GMDS: variants seen among roughly 807,000 people sequenced by gnomAD.
The protein encoded by GMDS is GDP-mannose 4,6 dehydratase.
Under a neutral mutation model 49.9 loss-of-function variants are expected in GMDS, and 20 were observed. The observed-to-expected ratio is 0.40, with a 90% CI of 0.28 to 0.58. GMDS has a LOEUF of 0.58. GMDS is among the 20% of genes least tolerant of loss of function. GMDS has a pLI of 0.42. For synonymous variants in GMDS, 177 were observed against 178.6 expected (o/e 0.99, Z 0.07); for missense variants, 362 against 481.4 (o/e 0.75, Z 2.32).
At chr6:1,959,116 T>C (rs529951193) in intron 6 of GMDS, among the ~76,000 whole-genome samples, 2 of 152,316 alleles carry the variant, frequency 1.3e-5, no homozygotes, top group African/African-American at 4.8e-5. Context: ...GGAGATTTCT[T>C]AAAGAATATA....
chr6:1,745,366 G>A (rs564297453), intron 7 of GMDS, among the ~76,000 whole-genome samples: 10 of 124,484 alleles, frequency 8.0e-5, no homozygotes, highest in Non-Finnish European at 1.2e-4. Context: ...CTACTGGTGG[G>A]TCACTTGGAG....
intron 7 of GMDS, among the ~76,000 whole-genome samples, chr6:1,904,688 T>A (rs1760669153): frequency 6.6e-6 from 1 of 152,162 alleles, no homozygotes; most frequent in African/African-American, 2.4e-5. Flanking sequence ...TACCTTCCTG[T>A]TGGCCAAGTT....
At chr6:1,651,101 C>T (rs1763640486) in intron 9 of GMDS, among the ~76,000 whole-genome samples, 1 of 152,190 alleles carries the variant, frequency 6.6e-6, no homozygotes, top group African/African-American at 2.4e-5. Flanking sequence ...TGAGTGGGTG[C>T]ACCTGCCCTG....
chr6:1,901,322 TAAC>T (rs1298531824), intron 7 of GMDS, among the ~76,000 whole-genome samples: 3 of 152,224 alleles, frequency 2.0e-5, no homozygotes, highest in African/African-American at 4.8e-5. Flanking sequence ...TTCTGAATTT[TAAC>T]AACGTGTTAC....
At chr6:2,048,731 G>T (rs997087500) in intron 4 of GMDS, among the ~76,000 whole-genome samples, 1 of 151,984 alleles carries the variant, frequency 6.6e-6, no homozygotes, top group Non-Finnish European at 1.5e-5. Context: ...TTGTGATCTT[G>T]CATATTTTTT....
At chr6:2,028,185 G>A (rs1354936081) in intron 4 of GMDS, among the ~76,000 whole-genome samples, 1 of 152,086 alleles carries the variant, frequency 6.6e-6, no homozygotes. Flanking sequence ...CACAAACAGC[G>A]CCTCATTCCA....
intron 7 of GMDS, among the ~76,000 whole-genome samples, chr6:1,840,133 T>C (rs890737774): frequency 1.3e-5 from 2 of 152,136 alleles, no homozygotes; most frequent in Admixed American, 6.5e-5. Flanking sequence ...AATGTCACAG[T>C]TCTTGAAATG....
intron 4 of GMDS, among the ~76,000 whole-genome samples, chr6:1,998,380 G>A (rs1442243136): frequency 6.6e-6 from 1 of 151,794 alleles, no homozygotes; most frequent in Non-Finnish European, 1.5e-5. Flanking sequence ...TCCCTAGTAA[G>A]AAATAAGGAA....
chr6:2,100,645 G>A (rs754578430), intron 4 of GMDS, among the ~76,000 whole-genome samples: 1 of 151,912 alleles, frequency 6.6e-6, no homozygotes, highest in Non-Finnish European at 1.5e-5. Flanking sequence ...AAAACTAAAT[G>A]ACAGCAACAA....
intron 4 of GMDS, among the ~76,000 whole-genome samples, chr6:1,978,424 T>C (rs1040999437): frequency 2.0e-5 from 3 of 152,154 alleles, no homozygotes; most frequent in Non-Finnish European, 4.4e-5. Flanking sequence ...CTGCCAGCTT[T>C]GGAGAGTCCT....
chr6:1,683,552 C>G (rs989628422), intron 9 of GMDS, among the ~76,000 whole-genome samples: 4 of 152,204 alleles, frequency 2.6e-5, no homozygotes, highest in African/African-American at 9.7e-5. Flanking sequence ...TCTGATGCAC[C>G]ATCTTCTCCC....
chr6:2,123,326 T>A (rs1196470834), intron 2 of GMDS, among the ~76,000 whole-genome samples: 1 of 152,202 alleles, frequency 6.6e-6, no homozygotes, highest in African/African-American at 2.4e-5. Flanking sequence ...TAAGAGTGGA[T>A]CGCAACACTT....
At chr6:1,737,534 C>CACAT in intron 8 of GMDS, among the ~76,000 whole-genome samples, 1 of 150,920 alleles carries the variant, frequency 6.6e-6, no homozygotes, top group East Asian at 2.0e-4. Context: ...GATACACACA[C>CACAT]ATACACACCA....
intron 7 of GMDS, among the ~76,000 whole-genome samples, chr6:1,922,377 C>T (rs902469123): frequency 6.6e-6 from 1 of 152,178 alleles, no homozygotes. Flanking sequence ...AAAGATACTA[C>T]TGCTATATGC....
chr6:1,688,840 T>G (rs113031316), intron 9 of GMDS, among the ~76,000 whole-genome samples: 2 of 152,352 alleles, frequency 1.3e-5, no homozygotes, highest in African/African-American at 4.8e-5. Flanking sequence ...TGAGTTTATT[T>G]TATTTTTTTA....
At chr6:1,794,918 G>A (rs1422843427) in intron 7 of GMDS, among the ~76,000 whole-genome samples, 1 of 151,846 alleles carries the variant, frequency 6.6e-6, no homozygotes, top group Non-Finnish European at 1.5e-5. Flanking sequence ...AGGTGCGGTG[G>A]CTCACCCCTG....
chr6:1,786,717 G>A (rs1246790031), intron 7 of GMDS, among the ~76,000 whole-genome samples: 2 of 152,180 alleles, frequency 1.3e-5, no homozygotes, highest in Non-Finnish European at 2.9e-5. Context: ...TTGGTTATGA[G>A]AGCAGGAGCT....
chr6:1,791,669 G>C (rs191509079), intron 7 of GMDS, among the ~76,000 whole-genome samples: 1 of 152,254 alleles, frequency 6.6e-6, no homozygotes, highest in Admixed American at 6.5e-5. Context: ...AGTATGGTTT[G>C]TTCCCTTCCT....
chr6:1,793,618 T>C (rs1769629237), intron 7 of GMDS, among the ~76,000 whole-genome samples: 1 of 152,198 alleles, frequency 6.6e-6, no homozygotes, highest in Non-Finnish European at 1.5e-5. Context: ...GTGATACATA[T>C]AGTTTATTGT....
Sources: allele counts gnomAD v4.1 joint callset (sites outside exome capture counted in the v4.1 genomes callset), GRCh38; gene constraint gnomAD v4.1.1; transcripts MANE v1.5; gene names NCBI Gene and HGNC (gene_info 2026-07-23, HGNC 2026-07-21).